ACSF3: variants seen among roughly 807,000 people sequenced by gnomAD.
ACSF3 encodes malonate--CoA ligase ACSF3, mitochondrial.
ACSF3 carries 78 observed loss-of-function variants against 53.2 expected under a neutral mutation model. The observed-to-expected ratio is 1.47, with a 90% confidence interval of 1.22 to 1.77. The LOEUF is 1.77. Ranked by LOEUF, ACSF3 falls within the 40% of genes most tolerant of loss-of-function variation. The probability of loss-of-function intolerance (pLI) is 0.00; values close to 1 mark genes in which losing one functional copy is unlikely to be tolerated. For synonymous variants in ACSF3, 414 were observed against 333.1 expected (o/e 1.24, Z -2.65); for missense variants, 937 against 771.1 (o/e 1.22, Z -2.55).
At chr16:89,123,354 A>T (rs946124735) in intron 7 of ACSF3, among the ~76,000 whole-genome samples, 1 of 151,716 alleles carries the variant, frequency 6.6e-6, no homozygotes, top group African/African-American at 2.4e-5. Context: ...ATGTGAAGGG[A>T]CTCCCCACCC....
chr16:89,129,164 A>G (rs1490589810), intron 7 of ACSF3, among the ~76,000 whole-genome samples: 1 of 152,122 alleles, frequency 6.6e-6, no homozygotes, highest in African/African-American at 2.4e-5. Context: ...TGTAAATTAG[A>G]TGAAGGTGTT....
chr16:89,112,369 T>C (rs1420321853), intron 5 of ACSF3, 123 bp downstream of exon 5: 3 of 1,226,802 alleles, frequency 2.4e-6, no homozygotes, highest in Non-Finnish European at 3.5e-6. Context: ...CTTTCAATGT[T>C]CCCTCTCTCT....
At chr16:89,111,711 C>T (rs1280019694) in intron 4 of ACSF3, among the ~76,000 whole-genome samples, 1 of 152,264 alleles carries the variant, frequency 6.6e-6, no homozygotes. Flanking sequence ...CTAGTCACTG[C>T]ATGCCTGTCC....
At chr16:89,102,305 G>A (rs146074044) in intron 3 of ACSF3, 42 of 452,056 alleles carry the variant, frequency 9.3e-5, no homozygotes, top group Non-Finnish European at 1.4e-4. Context: ...GGGCAGGGGC[G>A]GAGCTCTGTC....
chr16:89,102,177 G>A (rs1183840229), intron 3 of ACSF3, among the ~76,000 whole-genome samples: 1 of 152,248 alleles, frequency 6.6e-6, no homozygotes, highest in South Asian at 2.1e-4. Flanking sequence ...GGCTGAGCAG[G>A]TGACGATAAT....
chr16:89,094,442 G>A (rs1283619645), intron 1 of ACSF3, among the ~76,000 whole-genome samples: 3 of 152,234 alleles, frequency 2.0e-5, no homozygotes, highest in Non-Finnish European at 4.4e-5. Context: ...CCTAGCCCCT[G>A]AGGGCATGTA....
intron 7 of ACSF3, chr16:89,122,322 A>G: frequency 2.8e-6 from 1 of 360,158 alleles, no homozygotes; most frequent in South Asian, 2.0e-5. Flanking sequence ...ACTTGCTGAA[A>G]CCCACCTGGG....
chr16:89,134,058 C>T (rs1909902799), intron 8 of ACSF3, among the ~76,000 whole-genome samples: 1 of 152,204 alleles, frequency 6.6e-6, no homozygotes, highest in Admixed American at 6.5e-5. Flanking sequence ...GATATTTCGA[C>T]ATTTGGATAG....
chr16:89,148,013 C>A (rs1395627460), intron 10 of ACSF3: 1 of 151,992 alleles, frequency 6.6e-6, no homozygotes, highest in African/African-American at 2.4e-5. Context: ...AGAGAGCCGC[C>A]AGCCAAAACA....
chr16:89,156,133 C>G lies in ACSF3; in HGVS notation c.*1926C>G, dbSNP rs1238158063. On this transcript the variant is annotated 3_prime_UTR_variant, in exon 11 of 11. Coordinates refer to ENST00000614302, the MANE Select transcript of ACSF3 (RefSeq NM_001243279.3). ...TGCACACAGTCCGCCAGTGCCCAGC[C>G]AGGCCCCTGGTTCCCCTCTGCTCCA... is the stretch of plus-strand genomic sequence containing the variant. Among the ~76,000 whole-genome samples the G allele has an allele frequency of 6.6e-6, 1 of 152,220 alleles. No homozygotes were observed. Among genetic ancestry groups the G allele is most frequent in the Non-Finnish European group, 1.5e-5 (1 of 68,024 alleles).
At chr16:89,150,423 G>A (rs1402826045) in intron 10 of ACSF3, 1 of 153,898 alleles carries the variant, frequency 6.5e-6, no homozygotes, top group African/African-American at 2.4e-5. Flanking sequence ...TAGAGTTTCA[G>A]GGTCCGAGTT....
chr16:89,131,733 A>G (rs1909361012), intron 7 of ACSF3, among the ~76,000 whole-genome samples: 1 of 152,074 alleles, frequency 6.6e-6, no homozygotes, highest in Non-Finnish European at 1.5e-5. Context: ...CATGTCCCAC[A>G]AGTGTACTGA....
At chr16:89,148,388 C>T (rs1001754617) in intron 10 of ACSF3, 8 of 152,140 alleles carry the variant, frequency 5.3e-5, no homozygotes, top group African/African-American at 1.9e-4. Context: ...GCGTGAGCAA[C>T]CCCACCCAGC....
chr16:89,109,912 C>T (rs547735412), intron 4 of ACSF3, among the ~76,000 whole-genome samples: 19 of 152,212 alleles, frequency 1.2e-4, no homozygotes, highest in Non-Finnish European at 1.8e-4. Context: ...TGTTTGCATC[C>T]GTATGTAATC....
chr16:89,118,731 CTG>C (rs1422873848), intron 6 of ACSF3, among the ~76,000 whole-genome samples: 3 of 152,238 alleles, frequency 2.0e-5, no homozygotes, highest in Non-Finnish European at 4.4e-5. Flanking sequence ...CTGGGCCACT[CTG>C]TGGCATTGAC....
chr16:89,133,410 T>A, intron 8 of ACSF3, 148 bp downstream of exon 8: 5 of 1,134,214 alleles, frequency 4.4e-6, no homozygotes, highest in Non-Finnish European at 6.3e-6. Context: ...TGGGGGCCAC[T>A]GTTACGGCAC....
Position 89,094,476 on chromosome 16 carries a change from C to T in ACSF3, c.-194+480C>T, listed in dbSNP as rs140737790. ...TAGATCTATGAGCAAGCAATGGAGA[C>T]GTGCGGCCGGCCGTGAAGTATTTGG... is the stretch of plus-strand genomic sequence containing the variant. On this transcript the variant is annotated intron_variant, in intron 1 of 10. Transcript: ENST00000614302. Among the ~76,000 whole-genome samples the T allele has an allele frequency of 4.6e-3, 699 of 152,264 alleles. 3 individuals are homozygous for T. Among genetic ancestry groups the T allele is most frequent in the South Asian group, 0.034 (166 of 4,818 alleles).
rs143851456 is a variant in ACSF3, at chr16:89,150,063, A to G, written c.1613+4014A>G. The G allele has an allele frequency of 1.4e-3, 218 of 152,502 alleles. 2 individuals are homozygous for G. The highest frequency in any genetic ancestry group is 2.6e-3 in the Non-Finnish European group (178 of 68,162). The allele number at this position is 152,502 out of a possible 1,614,324, so 9.4% of individuals were successfully genotyped here. On this transcript the variant is annotated intron_variant, in intron 10 of 10. Transcript: ENST00000614302. Reference sequence around the variant, plus strand: ...GGGAGGCCTCAGGAAACTTACAGTCATGACAGAAGGGGAGGCAGGCATGTC... The same window carrying G: ...GGGAGGCCTCAGGAAACTTACAGTCGTGACAGAAGGGGAGGCAGGCATGTC...
chr16:89,125,529 A>G lies in ACSF3; in HGVS notation c.1239+4616A>G, dbSNP rs564930044. Among the ~76,000 whole-genome samples, 6 of 151,918 alleles carry G rather than the reference A, an allele frequency of 3.9e-5. No individual in the cohort carries two copies. In the South Asian group the frequency reaches 1.3e-3, roughly 32 times the overall value. On this transcript the variant is annotated intron_variant, in intron 7 of 10. Transcript: ENST00000614302. ...GCCAACATGGTAAAACCCTGTCTCT[A>G]CTGAAAATACAGTTAGCCAGGTGTG...
Sources: allele counts gnomAD v4.1 joint callset (sites outside exome capture counted in the v4.1 genomes callset), GRCh38; gene constraint gnomAD v4.1.1; transcripts MANE v1.5; gene names NCBI Gene and HGNC (gene_info 2026-07-23, HGNC 2026-07-21).